Variants in PPP6R1 observed in about 807,000 individuals in gnomAD.
The protein encoded by PPP6R1 is serine/threonine-protein phosphatase 6 regulatory subunit 1.
PPP6R1 carries 39 observed loss-of-function variants against 104.6 expected under a neutral mutation model. That is an observed-to-expected ratio of 0.37 (90% CI 0.29 to 0.49). The LOEUF is 0.49. Ranked by LOEUF, PPP6R1 falls within the 20% of genes least tolerant of loss-of-function variation. PPP6R1 has a pLI of 0.98. For missense variants in PPP6R1, 1,181 were observed against 1,155.8 expected, an observed-to-expected ratio of 1.02 and a Z score of -0.32; for synonymous variants, 549 against 479.0, an observed-to-expected ratio of 1.15 and a Z score of -1.91.
At chr19:55,235,831 T>G (rs1038195353) in intron 17 of PPP6R1, among the ~76,000 whole-genome samples, 3 of 146,416 alleles carry the variant, frequency 2.0e-5, no homozygotes, top group Non-Finnish European at 4.5e-5. Flanking sequence ...TTTTTTTAAT[T>G]TGTTGATTCT....
At chr19:55,239,567 C>A in intron 14 of PPP6R1, 27 bp downstream of exon 14, 1 of 1,609,852 alleles carries the variant, frequency 6.2e-7, no homozygotes, top group Non-Finnish European at 8.5e-7. Flanking sequence ...CATAGCCCAG[C>A]ACAGCCCCAC....
In PPP6R1 at chr19:55,231,975, G is replaced by A; in HGVS notation, c.2133C>T (p.Ser711=). The change falls in exon 19 of 24, where the codon AGC becomes AGT. Residue 711 remains serine (S), a synonymous_variant. Coordinates refer to ENST00000412770, the MANE Select transcript of PPP6R1 (RefSeq NM_014931.4). ...GCACTGGGTCAAAGGTGGCTGTCCA[G>A]CTGGGGCCTGGGATAGAGGTGGGGG... ...PSPGPQPPGP[S]WTATFDPVPT... The A allele has an allele frequency of 1.9e-6, 3 of 1,600,102 alleles. No individual in the cohort carries two copies. Among genetic ancestry groups the A allele is most frequent in the Non-Finnish European group, 2.6e-6 (3 of 1,170,612 alleles).
intron 1 of PPP6R1, among the ~76,000 whole-genome samples, chr19:55,253,346 G>A (rs955919560): frequency 3.9e-5 from 6 of 152,214 alleles, no homozygotes; most frequent in Admixed American, 3.3e-4. Flanking sequence ...GAGGCCCACC[G>A]TTCACTTCTA....
chr19:55,239,559 TAGCCCAGCAC>T, intron 14 of PPP6R1, 25 bp downstream of exon 14: 4 of 1,609,750 alleles, frequency 2.5e-6, no homozygotes, highest in Non-Finnish European at 3.4e-6. Flanking sequence ...CACTCCAGCA[TAGCCCAGCAC>T]AGCCCCACAT....
intron 21 of PPP6R1, among the ~76,000 whole-genome samples, 159 bp downstream of exon 21, chr19:55,231,251 T>C (rs1421976981): frequency 6.6e-6 from 1 of 152,108 alleles, no homozygotes; most frequent in African/African-American, 2.4e-5. Flanking sequence ...AGAACCAGCC[T>C]ACAGAGTGCA....
intron 21 of PPP6R1, 113 bp downstream of exon 21, chr19:55,231,297 G>A (rs965885726): frequency 8.0e-6 from 10 of 1,257,430 alleles, no homozygotes; most frequent in South Asian, 2.6e-5. Flanking sequence ...GCGCCTGGGG[G>A]TCCTGCAAAG....
chr19:55,250,280 G>A (rs1334434914), intron 1 of PPP6R1, among the ~76,000 whole-genome samples: 1 of 152,246 alleles, frequency 6.6e-6, no homozygotes, highest in Non-Finnish European at 1.5e-5. Flanking sequence ...AGAGGAAACT[G>A]AGGCACACCA....
At chr19:55,251,406 C>A (rs1288568265) in intron 1 of PPP6R1, among the ~76,000 whole-genome samples, 2 of 152,214 alleles carry the variant, frequency 1.3e-5, no homozygotes, top group Non-Finnish European at 2.9e-5. Context: ...GGCTGCCGTA[C>A]CTGTCAGGGC....
At chr19:55,236,218 G>C in intron 17 of PPP6R1, 1 of 165,186 alleles carries the variant, frequency 6.1e-6, no homozygotes, top group South Asian at 1.7e-4. Flanking sequence ...GCAGTGGTAT[G>C]ATCTCGGCTC....
intron 14 of PPP6R1, 25 bp from the exon 15 acceptor site, chr19:55,239,527 T>C (rs1334947257): frequency 6.2e-7 from 1 of 1,612,518 alleles, no homozygotes; most frequent in Non-Finnish European, 8.5e-7. Context: ...AGGTTAGGGC[T>C]GGAGGGAGTT....
At chr19:55,236,540 A>ATT (rs1321258618) in intron 17 of PPP6R1, 103 bp downstream of exon 17, 16 of 1,297,292 alleles carry the variant, frequency 1.2e-5, no homozygotes, top group Non-Finnish European at 1.4e-5. Context: ...CAGGTTCCTT[A>ATT]TTTTCTTCAT....
Position 55,241,722 on chromosome 19 carries a change from C to G in PPP6R1, c.846-83G>C. 7.0e-7 allele frequency: 1 copy of G among 1,432,126 alleles called. No individual in the cohort carries two copies. The highest frequency in any genetic ancestry group is 9.3e-7 in the Non-Finnish European group (1 of 1,076,420). 88.7% of individuals were successfully genotyped at this position (1,432,126 alleles called of 1,614,324 possible). On this transcript the variant is annotated intron_variant, in intron 7 of 23. Coordinates refer to ENST00000412770, the MANE Select transcript of PPP6R1 (RefSeq NM_014931.4). This position sits in a 1 kb window ranked among gnomAD's most constrained non-coding sequence, Gnocchi z 5.4. The stretch of plus-strand genomic sequence containing the variant: ...GGAGTAGGCACAAGGACCACGTCTG[C>G]AGGGTCTGGAGGAAAACGAGGAGCC...
intron 5 of PPP6R1, among the ~76,000 whole-genome samples, chr19:55,244,209 ATC>A (rs1271209427): frequency 1.3e-5 from 2 of 152,204 alleles, no homozygotes; most frequent in Non-Finnish European, 2.9e-5. Flanking sequence ...GCCCAGAGCC[ATC>A]TCTGCTCTGT....
intron 15 of PPP6R1, among the ~76,000 whole-genome samples, chr19:55,237,986 C>T (rs1015714238): frequency 1.3e-5 from 2 of 152,146 alleles, no homozygotes; most frequent in African/African-American, 4.8e-5. Flanking sequence ...AGTTTCATCC[C>T]GAAAGGGGCA....
chr19:55,234,388 C>T (rs1182755261), intron 17 of PPP6R1, among the ~76,000 whole-genome samples: 2 of 152,188 alleles, frequency 1.3e-5, no homozygotes, highest in Admixed American at 1.3e-4. Context: ...TTCCTTTTTA[C>T]ACAGGTGCCA....
At chr19:55,238,154 G>A (rs2087415833) in intron 15 of PPP6R1, among the ~76,000 whole-genome samples, 1 of 151,592 alleles carries the variant, frequency 6.6e-6, no homozygotes, top group African/African-American at 2.4e-5. Context: ...TCCTGCCTCG[G>A]CCTCCCTAAG....
downstream of PPP6R1, chr19:55,228,682 G>A (rs552802117): frequency 1.6e-5 from 26 of 1,611,600 alleles, no homozygotes; most frequent in Non-Finnish European, 2.2e-5. Context: ...CAGCTCAGAA[G>A]GCTCTCACCT....
At chr19:55,250,069 G>T (rs1263602463) in intron 1 of PPP6R1, among the ~76,000 whole-genome samples, 1 of 152,194 alleles carries the variant, frequency 6.6e-6, no homozygotes, top group African/African-American at 2.4e-5. Flanking sequence ...GCCCGTGGCT[G>T]CCTGAGGCAC....
At position 55,258,715 on chromosome 19, in the gene PPP6R1, C is replaced by G. The variant is rs1270385031; in HGVS notation, c.-287G>C. On this transcript the variant is annotated 5_prime_UTR_variant, in exon 1 of 24. Coordinates refer to ENST00000412770, the MANE Select transcript of PPP6R1 (RefSeq NM_014931.4). ...AGTCCGCGTAGGCACCTCCGGGGTC[C>G]GCAGGCGAGGTGGGCGTGCGGGCCG... 2 of 151,120 alleles carry G rather than the reference C, an allele frequency of 1.3e-5. No individual in the cohort carries two copies. Among genetic ancestry groups the G allele is most frequent in the African/African-American group, 2.4e-5 (1 of 41,076 alleles). 9.4% of individuals were successfully genotyped at this position (151,120 alleles called of 1,614,324 possible).
Sources: allele counts gnomAD v4.1 joint callset (sites outside exome capture counted in the v4.1 genomes callset), GRCh38; gene constraint gnomAD v4.1.1; non-coding constraint Gnocchi (gnomAD v3.1); transcripts MANE v1.5; gene names NCBI Gene and HGNC (gene_info 2026-07-23, HGNC 2026-07-21).